The following IRAK2 variants were observed in gnomAD, a reference collection of about 807,000 sequenced individuals.
The protein encoded by IRAK2 is interleukin 1 receptor associated kinase 2.
Under a neutral mutation model 72.0 loss-of-function variants are expected in IRAK2, and 57 were observed. The ratio of observed to expected loss-of-function variants is 0.79; its 90% confidence interval spans 0.64 to 0.99. The LOEUF (loss-of-function observed/expected upper bound fraction) is 0.99. Ranked by LOEUF, IRAK2 falls within the 50% of genes least tolerant of loss-of-function variation. The pLI is 0.00. For synonymous variants in IRAK2, 293 were observed against 312.7 expected, an observed-to-expected ratio of 0.94 and a Z score of 0.67; for missense variants, 790 against 794.4, an observed-to-expected ratio of 0.99 and a Z score of 0.07.
chr3:10,232,944 G>T (rs1256107615), intron 10 of IRAK2, among the ~76,000 whole-genome samples: 1 of 152,152 alleles, frequency 6.6e-6, no homozygotes, highest in Non-Finnish European at 1.5e-5. Context: ...TGTGCCTATA[G>T]TCCCAGCTAC....
chr3:10,222,983 G>A (rs1476357750), intron 9 of IRAK2, 152 bp downstream of exon 9: 2 of 662,074 alleles, frequency 3.0e-6, no homozygotes. Flanking sequence ...GGCCACTTTG[G>A]CCTGTGGCGT....
chr3:10,182,584 T>C (rs533335959), intron 2 of IRAK2, among the ~76,000 whole-genome samples: 1 of 151,750 alleles, frequency 6.6e-6, no homozygotes, highest in Non-Finnish European at 1.5e-5. Flanking sequence ...CCCGGCCTTG[T>C]ATTTTTAGTA....
intron 1 of IRAK2, among the ~76,000 whole-genome samples, chr3:10,166,019 G>A (rs1380212775): frequency 1.3e-5 from 2 of 151,770 alleles, no homozygotes; most frequent in East Asian, 2.0e-4. Context: ...ATGAGCCACC[G>A]CGCCCGGCCT....
At chr3:10,219,628 C>A (rs2125158673) in intron 7 of IRAK2, 52 bp from the exon 8 acceptor site, 1 of 1,432,036 alleles carries the variant, frequency 7.0e-7, no homozygotes, top group Non-Finnish European at 9.8e-7. Flanking sequence ...GCCATCAGGA[C>A]TTTAAAAAGG....
At chr3:10,205,134 C>T (rs1304161738) in intron 3 of IRAK2, among the ~76,000 whole-genome samples, 1 of 152,200 alleles carries the variant, frequency 6.6e-6, no homozygotes, top group South Asian at 2.1e-4. Context: ...TGTATGGAAT[C>T]CAGGGAGATT....
At chr3:10,209,199 G>C (rs904012257) in intron 3 of IRAK2, among the ~76,000 whole-genome samples, 1 of 152,164 alleles carries the variant, frequency 6.6e-6, no homozygotes, top group Non-Finnish European at 1.5e-5. Flanking sequence ...AGGCAGGCTT[G>C]GTAGCTAGTT....
At chr3:10,209,515 C>T (rs1575974921) in intron 3 of IRAK2, 74 bp from the exon 4 acceptor site, 2 of 988,664 alleles carry the variant, frequency 2.0e-6, no homozygotes, top group East Asian at 5.7e-5. Flanking sequence ...CTGGCATAGT[C>T]TGAGGACTAG....
chr3:10,175,212 C>T (rs1696854372), intron 1 of IRAK2, among the ~76,000 whole-genome samples: 1 of 152,172 alleles, frequency 6.6e-6, no homozygotes, highest in African/African-American at 2.4e-5. Flanking sequence ...CAACCTCCAC[C>T]TCCTAGGTTC....
chr3:10,199,794 G>A (rs2125151312), intron 2 of IRAK2, among the ~76,000 whole-genome samples: 1 of 152,134 alleles, frequency 6.6e-6, no homozygotes, highest in East Asian at 1.9e-4. Context: ...CTTGTTGGAG[G>A]TCACACAGCT....
At chr3:10,175,412 C>T (rs1696858199) in intron 1 of IRAK2, among the ~76,000 whole-genome samples, 1 of 152,130 alleles carries the variant, frequency 6.6e-6, no homozygotes, top group Non-Finnish European at 1.5e-5. Flanking sequence ...TAGGCATGAG[C>T]CACTGTGCCC....
chr3:10,214,496 G>A (rs1474006399), intron 6 of IRAK2, among the ~76,000 whole-genome samples: 1 of 140,478 alleles, frequency 7.1e-6, no homozygotes, highest in Non-Finnish European at 1.5e-5. Context: ...CTCCCAAGAT[G>A]TTGGGATTAT....
In IRAK2 at chr3:10,198,768, T is replaced by C. The variant is rs896335550; in HGVS notation, c.278-1601T>C. Among the ~76,000 whole-genome samples, 29 of 152,048 alleles carry C rather than the reference T, an allele frequency of 1.9e-4. 1 individual carries two copies. The highest frequency in any genetic ancestry group is 7.0e-4 in the African/African-American group (29 of 41,406). ...GGCACAGTTGACCAGTTCAAAGAAA[T>C]GTTGCTGGAGATGTTTTGTCCCAGC... On this transcript the variant is annotated intron_variant, in intron 2 of 12. Transcript: ENST00000256458.
intron 12 of IRAK2, among the ~76,000 whole-genome samples, chr3:10,240,368 A>C (rs1176781531): frequency 6.6e-6 from 1 of 150,712 alleles, no homozygotes; most frequent in Non-Finnish European, 1.5e-5. Flanking sequence ...AAGGCAGGAG[A>C]ATTGCTTGAA....
At chr3:10,224,365 CA>C (rs1312750749) in intron 9 of IRAK2, among the ~76,000 whole-genome samples, 2 of 151,330 alleles carry the variant, frequency 1.3e-5, no homozygotes, top group African/African-American at 4.9e-5. Flanking sequence ...AAAAAAGAAC[CA>C]GGGGGATAGA....
At chr3:10,232,425 C>T (rs904322646) in intron 10 of IRAK2, among the ~76,000 whole-genome samples, 10 of 152,164 alleles carry the variant, frequency 6.6e-5, no homozygotes, top group South Asian at 2.1e-4. Flanking sequence ...CTACACGGGG[C>T]GTAGCCTGTT....
chr3:10,234,649 G>C lies in IRAK2; in HGVS notation c.1463G>C (p.Ser488Thr), dbSNP rs565654977. ...CTGTGCCTGCGGAGGCGTAACACCA[G>C]CCTGCAGGAGGTGAGCCTCGCCCGC... Reference protein sequence around the residue: ...ACLCLRRRNTSLQEVCGSVAA... With the variant: ...ACLCLRRRNTTLQEVCGSVAA... The change falls in exon 11 of 13, where the codon AGC becomes ACC. Residue 488 changes from serine (S) to threonine (T), a missense_variant. Physicochemically the swap from Ser to Thr is moderately conservative, Grantham distance 58 (BLOSUM62 1). Coordinates refer to ENST00000256458, the MANE Select transcript of IRAK2 (RefSeq NM_001570.4). 1.2e-6 allele frequency: 2 copies of C among 1,612,518 alleles called. No homozygotes were observed. Among genetic ancestry groups the C allele is most frequent in the African/African-American group, 2.7e-5 (2 of 75,046 alleles).
At position 10,209,704 on chromosome 3, in the gene IRAK2, C is replaced by T. The variant is rs780075383; in HGVS notation, c.528+12C>T. 1.2e-5 allele frequency: 18 copies of T among 1,445,888 alleles called. No individual in the cohort carries two copies. In the South Asian group the frequency reaches 2.5e-4, roughly 20 times the overall value. The allele number at this position is 1,445,888 out of a possible 1,614,324, so 89.6% of individuals were successfully genotyped here. ...CGTCTGATTCAAAGGTAAATCCACCCCTCGGCTGCAGCCCCCAAGCCATGT... is the reference window on the plus strand; with the variant it reads ...CGTCTGATTCAAAGGTAAATCCACCTCTCGGCTGCAGCCCCCAAGCCATGT... On this transcript the variant is annotated intron_variant, in intron 4 of 12. Coordinates refer to ENST00000256458, the MANE Select transcript of IRAK2 (RefSeq NM_001570.4).
At chr3:10,226,892 A>AC (rs1202696442) in intron 10 of IRAK2, among the ~76,000 whole-genome samples, 1 of 149,942 alleles carries the variant, frequency 6.7e-6, no homozygotes, top group Non-Finnish European at 1.5e-5. Flanking sequence ...GTTGCAGTGA[A>AC]CCAAGATTAT....
chr3:10,184,507 A>G (rs1298348859), intron 2 of IRAK2, among the ~76,000 whole-genome samples: 1 of 147,682 alleles, frequency 6.8e-6, no homozygotes, highest in Non-Finnish European at 1.5e-5. Flanking sequence ...TAATGGCCCC[A>G]GTGACCCAGG....
Sources: allele counts gnomAD v4.1 joint callset (sites outside exome capture counted in the v4.1 genomes callset), GRCh38; gene constraint gnomAD v4.1.1; transcripts MANE v1.5; gene names NCBI Gene and HGNC (gene_info 2026-07-23, HGNC 2026-07-21).